Variants in SEMA4D observed in about 807,000 individuals in gnomAD.
The protein encoded by SEMA4D is semaphorin-4D.
Under a neutral mutation model 74.8 loss-of-function variants are expected in SEMA4D, and 22 were observed. The observed-to-expected ratio is 0.29, with a 90% CI of 0.21 to 0.42. The LOEUF (loss-of-function observed/expected upper bound fraction) is 0.42. SEMA4D is among the 10% of genes least tolerant of loss of function. The probability of loss-of-function intolerance (pLI) is 1.00; values close to 1 mark genes in which losing one functional copy is unlikely to be tolerated. For synonymous variants in SEMA4D, 445 were observed against 463.7 expected (o/e 0.96, Z 0.52); for missense variants, 937 against 1,118.4 (o/e 0.84, Z 2.31).
intron 1 of SEMA4D, among the ~76,000 whole-genome samples, chr9:89,494,150 A>G (rs1209729090): frequency 6.6e-6 from 1 of 152,210 alleles, no homozygotes; most frequent in African/African-American, 2.4e-5. Context: ...TCTATTTAAA[A>G]CGCCAGAGGA....
chr9:89,403,252 T>C (rs971210022), intron 3 of SEMA4D, among the ~76,000 whole-genome samples: 11 of 152,186 alleles, frequency 7.2e-5, no homozygotes, highest in Non-Finnish European at 1.2e-4. Flanking sequence ...CTCACAGCCC[T>C]AGAGCTCAAG....
At chr9:89,452,345 A>AT (rs1285137102) in intron 2 of SEMA4D, among the ~76,000 whole-genome samples, 1 of 151,088 alleles carries the variant, frequency 6.6e-6, no homozygotes, top group Non-Finnish European at 1.5e-5. Flanking sequence ...TGCCCGGCTA[A>AT]TTTTTTGTAT....
chr9:89,373,939 T>C (rs2132532742), downstream of SEMA4D, among the ~76,000 whole-genome samples: 1 of 152,322 alleles, frequency 6.6e-6, no homozygotes, highest in South Asian at 2.1e-4. Flanking sequence ...CCCTGGAGCC[T>C]ACTCGGGAAA....
chr9:89,374,874 G>A (rs947657090), downstream of SEMA4D, among the ~76,000 whole-genome samples: 10 of 152,132 alleles, frequency 6.6e-5, no homozygotes, highest in African/African-American at 2.2e-4. Flanking sequence ...CCAAGATGGC[G>A]AAACCCTGTC....
At chr9:89,495,732 G>A (rs1270612409) in intron 1 of SEMA4D, among the ~76,000 whole-genome samples, 1 of 152,098 alleles carries the variant, frequency 6.6e-6, no homozygotes, top group Non-Finnish European at 1.5e-5. Flanking sequence ...ATGGGTCCTA[G>A]CTCCAACCCT....
At chr9:89,363,254 A>G (rs1276913617) in intron 18 of SEMA4D, among the ~76,000 whole-genome samples, 1 of 146,896 alleles carries the variant, frequency 6.8e-6, no homozygotes, top group East Asian at 2.2e-4. Context: ...TCTCAGCAAC[A>G]AGACGTGGGA....
chr9:89,445,867 T>C (rs1852700475), intron 2 of SEMA4D, among the ~76,000 whole-genome samples: 1 of 152,052 alleles, frequency 6.6e-6, no homozygotes, highest in Non-Finnish European at 1.5e-5. Context: ...TCCCTACCCA[T>C]GCTCCCAGCC....
chr9:89,441,054 C>T (rs59392233), intron 2 of SEMA4D, among the ~76,000 whole-genome samples: 3 of 152,260 alleles, frequency 2.0e-5, no homozygotes, highest in East Asian at 3.8e-4. Flanking sequence ...GAACAACAAG[C>T]CACTCTCCTG....
At chr9:89,371,765 G>A (rs1445098844) in intron 16 of SEMA4D, among the ~76,000 whole-genome samples, 11 of 90,126 alleles carry the variant, frequency 1.2e-4, no homozygotes, top group African/African-American at 4.0e-4. Context: ...TGTGTGTGTG[G>A]GGGGTGTGGT....
intron 2 of SEMA4D, among the ~76,000 whole-genome samples, chr9:89,426,609 G>T (rs2134424213): frequency 6.6e-6 from 1 of 152,302 alleles, no homozygotes; most frequent in East Asian, 1.9e-4. Context: ...GGGGCTGTCA[G>T]TTCCCGTCTC....
At chr9:89,363,211 G>A (rs1832992323) in intron 18 of SEMA4D, among the ~76,000 whole-genome samples, 1 of 152,218 alleles carries the variant, frequency 6.6e-6, no homozygotes, top group Non-Finnish European at 1.5e-5. Context: ...CTCTTTTAAG[G>A]GCTGGGGCCA....
At chr9:89,409,296 G>A (rs1844003518) in intron 2 of SEMA4D, among the ~76,000 whole-genome samples, 1 of 152,148 alleles carries the variant, frequency 6.6e-6, no homozygotes, top group Non-Finnish European at 1.5e-5. Flanking sequence ...TTTAGGGCAG[G>A]GAAACTAGGC....
chr9:89,405,546 C>T lies in SEMA4D; in HGVS notation c.-90G>A. On this transcript the variant is annotated 5_prime_UTR_variant, in exon 3 of 16. Coordinates refer to ENST00000422704, the MANE Select transcript of SEMA4D (RefSeq NM_001371194.2). ...GTGCTATTGCAGATGCGGCTCAGCG[C>T]CCCAGGACCAGGGCCAGCAGCACAG... 6.4e-7 allele frequency: 1 copy of T among 1,551,568 alleles called. No individual in the cohort carries two copies. The highest frequency in any genetic ancestry group is 2.3e-5 in the East Asian group (1 of 42,564).
intron 16 of SEMA4D, among the ~76,000 whole-genome samples, chr9:89,366,170 A>G (rs949728488): frequency 2.0e-5 from 3 of 152,252 alleles, no homozygotes; most frequent in Non-Finnish European, 4.4e-5. Flanking sequence ...AAGTGAAACA[A>G]TATCTAGGAA....
intron 2 of SEMA4D, among the ~76,000 whole-genome samples, chr9:89,410,928 A>G (rs1051885544): frequency 1.3e-5 from 2 of 152,236 alleles, no homozygotes; most frequent in South Asian, 2.1e-4. Context: ...ATCAATCAGT[A>G]TGAGTGCAGT....
intron 1 of SEMA4D, among the ~76,000 whole-genome samples, chr9:89,474,640 G>T (rs1414398484): frequency 6.6e-6 from 1 of 152,112 alleles, no homozygotes; most frequent in East Asian, 1.9e-4. Flanking sequence ...GAGGACAAGG[G>T]CTAAAACATG....
intron 1 of SEMA4D, among the ~76,000 whole-genome samples, chr9:89,468,692 C>T (rs1006826465): frequency 5.3e-5 from 8 of 152,128 alleles, no homozygotes; most frequent in African/African-American, 1.7e-4. Flanking sequence ...AAAATCTCAT[C>T]CCCCCTCTAA....
chr9:89,453,656 G>A (rs1047168321), intron 2 of SEMA4D, among the ~76,000 whole-genome samples: 7 of 152,104 alleles, frequency 4.6e-5, no homozygotes, highest in Non-Finnish European at 1.0e-4. Flanking sequence ...CAGCCCTGAC[G>A]GTCAGGTTCC....
intron 6 of SEMA4D, among the ~76,000 whole-genome samples, chr9:89,394,671 G>A (rs1252374884): frequency 1.3e-5 from 2 of 152,246 alleles, no homozygotes; most frequent in Admixed American, 6.5e-5. Context: ...AGCAGAGCAG[G>A]AAGGCTCAGA....
Sources: allele counts gnomAD v4.1 joint callset (sites outside exome capture counted in the v4.1 genomes callset), GRCh38; gene constraint gnomAD v4.1.1; transcripts MANE v1.5; gene names NCBI Gene and HGNC (gene_info 2026-07-23, HGNC 2026-07-21).